MTA3: variants seen among roughly 807,000 people sequenced by gnomAD.
MTA3 encodes metastasis associated 1 family member 3, also known as metastasis-associated protein MTA3.
In MTA3, 34 loss-of-function variants were observed where a neutral mutation model predicts 83.5. The ratio of observed to expected loss-of-function variants is 0.41; its 90% CI spans 0.31 to 0.54. The LOEUF is 0.54. MTA3 is among the 20% of genes least tolerant of loss of function. The pLI, the probability that MTA3 is intolerant of heterozygous loss-of-function variation, is 0.33. For missense variants in MTA3, 761 were observed against 726.4 expected, an observed-to-expected ratio of 1.05 and a Z score of -0.55; for synonymous variants, 303 against 252.7, an observed-to-expected ratio of 1.20 and a Z score of -1.89.
intron 16 of MTA3, among the ~76,000 whole-genome samples, chr2:42,743,803 G>T (rs1315148833): frequency 2.0e-5 from 3 of 152,108 alleles, no homozygotes; most frequent in Non-Finnish European, 4.4e-5. Context: ...GTACCAGTGA[G>T]TGAGCTCTGG....
At chr2:42,710,910 C>G (rs1666550924) in intron 14 of MTA3, among the ~76,000 whole-genome samples, 1 of 151,912 alleles carries the variant, frequency 6.6e-6, no homozygotes, top group South Asian at 2.1e-4. Context: ...GAAGCCTCAT[C>G]TCTACTAAAA....
chr2:42,535,367 A>G (rs1042204996), intron 2 of MTA3, among the ~76,000 whole-genome samples: 1 of 152,104 alleles, frequency 6.6e-6, no homozygotes, highest in Non-Finnish European at 1.5e-5. Context: ...AGCCTGGGCA[A>G]CAGAGCAAGA....
chr2:42,574,237 C>T (rs1268362456), intron 2 of MTA3, among the ~76,000 whole-genome samples: 2 of 150,580 alleles, frequency 1.3e-5, no homozygotes, highest in Non-Finnish European at 1.5e-5. Context: ...TGGGTTCAAG[C>T]GATTCTCCTG....
intron 2 of MTA3, among the ~76,000 whole-genome samples, chr2:42,514,867 T>C (rs1389063480): frequency 6.6e-6 from 1 of 150,476 alleles, no homozygotes; most frequent in Non-Finnish European, 1.5e-5. Flanking sequence ...TGTTTTTATT[T>C]TTTATAGAGA....
chr2:42,742,285 TCCGTCACCACAC>T (rs1669094758), intron 16 of MTA3, among the ~76,000 whole-genome samples: 1 of 152,086 alleles, frequency 6.6e-6, no homozygotes, highest in Non-Finnish European at 1.5e-5. Flanking sequence ...ATTACAGGCA[TCCGTCACCACAC>T]CCAGCTAATT....
chr2:42,570,949 G>T (rs1469400795), intron 2 of MTA3, among the ~76,000 whole-genome samples: 1 of 151,720 alleles, frequency 6.6e-6, no homozygotes, highest in Non-Finnish European at 1.5e-5. Flanking sequence ...GGAGGCGGAG[G>T]TTGCGGTGAG....
At chr2:42,618,069 C>CAAGT (rs1044766862) in intron 4 of MTA3, among the ~76,000 whole-genome samples, 28 of 152,020 alleles carry the variant, frequency 1.8e-4, no homozygotes, top group South Asian at 2.1e-4. Context: ...CTCAGCCTTC[C>CAAGT]AAGTAGCTGG....
chr2:42,597,375 CTT>C (rs35943826), intron 3 of MTA3, among the ~76,000 whole-genome samples: 64,851 of 108,040 alleles, frequency 0.6, 16,638 homozygotes, highest in South Asian at 0.75. Context: ...GACAAGTTAT[CTT>C]TTTTTTTTTT....
At chr2:42,713,599 A>G (rs1204216078) in intron 14 of MTA3, among the ~76,000 whole-genome samples, 1 of 137,272 alleles carries the variant, frequency 7.3e-6, no homozygotes, top group Non-Finnish European at 1.5e-5. Context: ...AATGATAACC[A>G]TTATCATCGT....
At chr2:42,724,250 G>A (rs1485412118) in intron 16 of MTA3, among the ~76,000 whole-genome samples, 1 of 132,698 alleles carries the variant, frequency 7.5e-6, no homozygotes, top group African/African-American at 2.8e-5. Context: ...TAATATTGCT[G>A]TAGAAGGTAT....
intron 4 of MTA3, among the ~76,000 whole-genome samples, chr2:42,632,982 C>T (rs1686828823): frequency 6.6e-6 from 1 of 150,704 alleles, no homozygotes; most frequent in Non-Finnish European, 1.5e-5. Flanking sequence ...AAAAAAAATA[C>T]AGTCGGGCAT....
At chr2:42,702,016 G>A (rs867263613) in intron 11 of MTA3, among the ~76,000 whole-genome samples, 2 of 152,112 alleles carry the variant, frequency 1.3e-5, no homozygotes, top group Non-Finnish European at 1.5e-5. Flanking sequence ...TTTGAGACCA[G>A]CCTGGCCAAC....
At chr2:42,688,547 C>T (rs1179677355) in intron 9 of MTA3, among the ~76,000 whole-genome samples, 1 of 149,896 alleles carries the variant, frequency 6.7e-6, no homozygotes, top group African/African-American at 2.4e-5. Context: ...AATCTTCTGC[C>T]TATTTTAAAA....
chr2:42,663,843 A>C (rs900291746), intron 8 of MTA3, among the ~76,000 whole-genome samples: 5 of 152,024 alleles, frequency 3.3e-5, no homozygotes, highest in South Asian at 2.1e-4. Context: ...AGTGTTTTTT[A>C]TCTCTCCTGT....
intron 4 of MTA3, among the ~76,000 whole-genome samples, chr2:42,612,210 A>G (rs961790002): frequency 1.1e-4 from 16 of 152,160 alleles, no homozygotes; most frequent in Non-Finnish European, 1.9e-4. Flanking sequence ...CTAAAGAGCC[A>G]TATGCACTTT....
At chr2:42,733,068 G>A (rs764543474) in intron 16 of MTA3, among the ~76,000 whole-genome samples, 2 of 152,202 alleles carry the variant, frequency 1.3e-5, no homozygotes, top group Non-Finnish European at 2.9e-5. Flanking sequence ...CTGTCATCCA[G>A]TTACAAAGTC....
At chr2:42,719,421 C>T (rs1463147576) in intron 15 of MTA3, among the ~76,000 whole-genome samples, 1 of 152,162 alleles carries the variant, frequency 6.6e-6, no homozygotes, top group Non-Finnish European at 1.5e-5. Flanking sequence ...TTCTTCAGAT[C>T]CCTTCCCTGT....
intron 9 of MTA3, among the ~76,000 whole-genome samples, chr2:42,685,473 G>A (rs1339045742): frequency 1.3e-5 from 2 of 152,206 alleles, no homozygotes; most frequent in African/African-American, 4.8e-5. Context: ...AACTGCTGAA[G>A]TAGGAAGCTA....
chr2:42,610,758 A>G (rs1684091660), intron 4 of MTA3, among the ~76,000 whole-genome samples: 1 of 152,160 alleles, frequency 6.6e-6, no homozygotes, highest in Non-Finnish European at 1.5e-5. Context: ...AGTATGAGGC[A>G]CAAATAGAGG....
Sources: gnomAD v4.1 joint callset for allele counts (sites outside exome capture counted in the v4.1 genomes callset) on GRCh38, gnomAD v4.1.1 for gene constraint, MANE v1.5 for transcripts, NCBI Gene and HGNC (gene_info 2026-07-23, HGNC 2026-07-21) for gene names.